Variants in TCERG1 observed in about 807,000 individuals in gnomAD.
The protein encoded by TCERG1 is TATA box binding protein (TBP)-associated factor, RNA polymerase II, S, 150kD.
A neutral mutation model predicts 144.7 loss-of-function variants in TCERG1; 37 were observed. The ratio of observed to expected loss-of-function variants is 0.26; its 90% CI spans 0.20 to 0.34. The LOEUF is 0.34. Among genes scored for constraint, TCERG1 ranks in the 10% least tolerant of loss-of-function variants. TCERG1 has a pLI of 1.00. For missense variants in TCERG1, 1,027 were observed against 1,380.7 expected (o/e 0.74, Z 4.06); for synonymous variants, 492 against 458.2 (o/e 1.07, Z -0.94).
chr5:146,462,909 G>A (rs186991412), intron 4 of TCERG1, among the ~76,000 whole-genome samples: 12 of 152,192 alleles, frequency 7.9e-5, no homozygotes, highest in Admixed American at 6.5e-4. Context: ...ATAGTAAAAT[G>A]TGAAAGAGGC....
chr5:146,463,736 C>G lies in TCERG1; in HGVS notation c.1078C>G (p.Pro360Ala), dbSNP rs755258024. The G allele has an allele frequency of 2.5e-6, 4 of 1,614,210 alleles. No individual in the cohort carries two copies. The highest frequency in any genetic ancestry group is 3.4e-6 in the Non-Finnish European group (4 of 1,180,032). ...AACAACAGCAATACCTGCTTTTCCA[C>G]CAGTAATGGTACCTCCGTTTCGTGT... is the stretch of plus-strand genomic sequence containing the variant. ...QPTTAIPAFP[P>A]VMVPPFRVPL... Residue 360 changes from proline (P) to alanine (A), a missense_variant, in exon 5 of 23, where the codon CCA (proline) becomes GCA (alanine). Transcript: ENST00000679501.
intron 15 of TCERG1, among the ~76,000 whole-genome samples, chr5:146,488,697 A>G (rs1388079521): frequency 6.6e-6 from 1 of 152,186 alleles, no homozygotes; most frequent in Non-Finnish European, 1.5e-5. Context: ...CAGAACAACG[A>G]TATGATCCAG....
chr5:146,483,798 A>C (rs1765576862), intron 15 of TCERG1, among the ~76,000 whole-genome samples, 169 bp downstream of exon 15: 1 of 152,056 alleles, frequency 6.6e-6, no homozygotes, highest in African/African-American at 2.4e-5. Flanking sequence ...CTACTTCAAA[A>C]TTCTTGGATA....
At chr5:146,479,065 A>T (rs561027665) in intron 10 of TCERG1, among the ~76,000 whole-genome samples, 4 of 152,280 alleles carry the variant, frequency 2.6e-5, no homozygotes, top group South Asian at 2.1e-4. Context: ...TTTGAATTAG[A>T]TGGTAAGCTC....
Position 146,509,254 on chromosome 5 carries a change from A to C in TCERG1, c.3146+9A>C, listed in dbSNP as rs375071980. 6.4e-7 allele frequency: 1 copy of C among 1,573,934 alleles called. No individual in the cohort carries two copies. Among genetic ancestry groups the C allele is most frequent in the Non-Finnish European group, 8.7e-7 (1 of 1,151,934 alleles). ...AAATTTATAACATATAGGTGTGTGC[A>C]ATGAAATGTTTCATATTGGCAGTCA... On this transcript the variant is annotated intron_variant, in intron 22 of 22. Transcript: ENST00000679501.
intron 22 of TCERG1, among the ~76,000 whole-genome samples, chr5:146,509,503 T>C (rs888265978): frequency 1.3e-5 from 2 of 152,048 alleles, no homozygotes; most frequent in African/African-American, 4.8e-5. Flanking sequence ...TTTTTTTTTT[T>C]TTTACTTCAC....
At chr5:146,506,877 T>A (rs1418377685) in intron 19 of TCERG1, 151 bp from the exon 20 acceptor site, 1 of 556,488 alleles carries the variant, frequency 1.8e-6, no homozygotes, top group African/African-American at 2.0e-5. Flanking sequence ...TGTATATTTA[T>A]TACATTTTCT....
rs1042640931 is a variant in TCERG1 at position 146,511,015 on chromosome 5, G to A, written c.*373G>A. 6.3e-6 allele frequency: 1 copy of A among 159,268 alleles called. No individual in the cohort carries two copies. The highest frequency in any genetic ancestry group is 2.4e-5 in the African/African-American group (1 of 41,740). 9.9% of individuals were successfully genotyped at this position (159,268 alleles called of 1,614,324 possible). On this transcript the variant is annotated 3_prime_UTR_variant, in exon 23 of 23. Coordinates refer to ENST00000679501, the MANE Select transcript of TCERG1 (RefSeq NM_001382548.1). The stretch of plus-strand genomic sequence containing the variant: ...CAGATGCAAATACCACAGACTCCAA[G>A]AAAACCCGAGTTGGGGTTTGTTTTG...
intron 13 of TCERG1, chr5:146,482,146 A>C (rs577620447): frequency 6.6e-6 from 1 of 152,344 alleles, no homozygotes; most frequent in Non-Finnish European, 1.5e-5. Flanking sequence ...TTTTTATTAG[A>C]TTTTACAAAA....
chr5:146,472,024 T>A (rs1764365158), intron 9 of TCERG1, among the ~76,000 whole-genome samples: 1 of 152,250 alleles, frequency 6.6e-6, no homozygotes, highest in African/African-American at 2.4e-5. Context: ...TTGTTGTATT[T>A]GAGTTATTCA....
intron 9 of TCERG1, among the ~76,000 whole-genome samples, chr5:146,475,996 C>T (rs920308864): frequency 1.3e-5 from 2 of 152,066 alleles, no homozygotes; most frequent in African/African-American, 2.4e-5. Flanking sequence ...AAGCCTCTTG[C>T]GCTAACTTTT....
chr5:146,499,134 G>A (rs1767202171), intron 17 of TCERG1, among the ~76,000 whole-genome samples: 2 of 152,076 alleles, frequency 1.3e-5, no homozygotes, highest in African/African-American at 2.4e-5. Flanking sequence ...AGAATTAAAG[G>A]TCAGCTATTA....
intron 5 of TCERG1, among the ~76,000 whole-genome samples, chr5:146,467,456 C>T (rs12655966): frequency 0.18 from 26,742 of 152,020 alleles, 3,592 homozygotes; most frequent in East Asian, 0.78. Flanking sequence ...GTTAATCAGT[C>T]TTAGTTTTGC....
chr5:146,509,301 C>T (rs186870110), intron 22 of TCERG1, 56 bp downstream of exon 22: 4 of 1,184,650 alleles, frequency 3.4e-6, no homozygotes, highest in East Asian at 2.4e-5. Flanking sequence ...AGTCTTTACT[C>T]TAATGGTCAG....
chr5:146,493,629 A>C (rs918061412), intron 16 of TCERG1, among the ~76,000 whole-genome samples: 2 of 152,214 alleles, frequency 1.3e-5, no homozygotes, highest in East Asian at 3.9e-4. Context: ...GAAAGCATAT[A>C]ATTTTATATA....
In TCERG1 at chr5:146,447,401, G is replaced by A; in HGVS notation, c.52G>A (p.Glu18Lys). Reference sequence around the variant, plus strand: ...CGAGAGTGAACGATTCAACCCGGGGGAGCTCAGGTAAGGAACGCTGCCCTC... The same window carrying A: ...CGAGAGTGAACGATTCAACCCGGGGAAGCTCAGGTAAGGAACGCTGCCCTC... ...GGESERFNPG[E>K]LRMAQQQALR... The change falls in exon 1 of 23, where the codon GAG becomes AAG. Residue 18 changes from glutamate (E) to lysine (K), a missense_variant. This residue lies in a region of TCERG1 where 175 missense variants were observed against 197.0 expected (regional missense o/e 0.89). Coordinates refer to ENST00000679501, the MANE Select transcript of TCERG1 (RefSeq NM_001382548.1). 1.2e-6 allele frequency: 2 copies of A among 1,611,892 alleles called. No homozygotes were observed. Among genetic ancestry groups the A allele is most frequent in the Non-Finnish European group, 1.7e-6 (2 of 1,179,188 alleles).
chr5:146,510,285 T>G, intron 22 of TCERG1, 156 bp from the exon 23 acceptor site: 1 of 712,698 alleles, frequency 1.4e-6, no homozygotes, highest in Non-Finnish European at 2.2e-6. Flanking sequence ...CTGAGGCGAC[T>G]TACAAAGGTG....
chr5:146,467,854 C>A (rs1260719232), intron 5 of TCERG1, among the ~76,000 whole-genome samples: 8 of 152,184 alleles, frequency 5.3e-5, no homozygotes, highest in Non-Finnish European at 2.9e-5. Flanking sequence ...CTCACCACCC[C>A]TAGCTTATTC....
chr5:146,473,472 G>C (rs113918171), intron 9 of TCERG1, among the ~76,000 whole-genome samples: 120 of 152,314 alleles, frequency 7.9e-4, no homozygotes, highest in African/African-American at 2.7e-3. Context: ...TAAGGTTATC[G>C]ATGAGGGCAA....
Sources: allele counts gnomAD v4.1 joint callset (sites outside exome capture counted in the v4.1 genomes callset), GRCh38; gene constraint gnomAD v4.1.1; regional missense constraint gnomAD v4.1.1; transcripts MANE v1.5; gene names NCBI Gene and HGNC (gene_info 2026-07-23, HGNC 2026-07-21).